The following XIRP1 variants were observed in gnomAD, a reference collection of about 807,000 sequenced individuals.
The protein encoded by XIRP1 is xin actin-binding repeat-containing protein 1.
For synonymous variants in XIRP1, 984 were observed against 947.0 expected (o/e 1.04, Z -0.72); for missense variants, 2,378 against 2,345.4 (o/e 1.01, Z -0.29).
At position 39,188,707 on chromosome 3, in the gene XIRP1, C is replaced by G. The variant is rs1349722946; in HGVS notation, c.739G>C (p.Glu247Gln). The G allele has an allele frequency of 6.2e-7, 1 of 1,613,672 alleles. No individual in the cohort carries two copies. The highest frequency in any genetic ancestry group is 1.1e-5 in the South Asian group (1 of 91,084). Residue 247 changes from glutamate to glutamine, a missense_variant, in exon 2 of 2, where the codon GAG (glutamate) becomes CAG (glutamine). Transcript: ENST00000340369. The part of the protein sequence containing the change: ...TEPLCAIQDA[E>Q]GAIHEVKAAC... Reference sequence around the variant, plus strand: ...GCCTTGACCTCATGGATGGCGCCCTCTGCATCCTGGATGGCACACAGGGGC... The same window carrying G: ...GCCTTGACCTCATGGATGGCGCCCTGTGCATCCTGGATGGCACACAGGGGC...
chr3:39,185,289 G>A lies in XIRP1; in HGVS notation c.4157C>T (p.Pro1386Leu), dbSNP rs763004515. ...ATGTCCACTGGGACATCTGGCCAGA[G>A]GTATGTGGCCCTGGTCTACAGTAGT... ...VPTTVDQGHI[P>L]LARCPSGHSQ... Residue 1386 changes from proline (P) to leucine (L), a missense_variant, in exon 2 of 2, where the codon CCT (proline) becomes CTT (leucine). Physicochemically the swap from Pro to Leu is moderately conservative, Grantham distance 98. Coordinates refer to ENST00000340369, the MANE Select transcript of XIRP1 (RefSeq NM_194293.4). 3.7e-6 allele frequency: 6 copies of A among 1,614,122 alleles called. No homozygotes were observed. Among genetic ancestry groups the A allele is most frequent in the Non-Finnish European group, 5.1e-6 (6 of 1,180,056 alleles).
At chr3:39,192,122 G>T (rs947502696) in intron 1 of XIRP1, among the ~76,000 whole-genome samples, 2 of 152,208 alleles carry the variant, frequency 1.3e-5, no homozygotes, top group African/African-American at 4.8e-5. Context: ...AGGAAGCCCT[G>T]AAGCCTGAGG....
chr3:39,185,345 A>T lies in XIRP1; in HGVS notation c.4101T>A (p.Asp1367Glu). 6.2e-7 allele frequency: 1 copy of T among 1,614,140 alleles called. No individual in the cohort carries two copies. The highest frequency in any genetic ancestry group is 8.5e-7 in the Non-Finnish European group (1 of 1,180,024). ...CCTTGGCTGGCTGAGGGATGGCTGT[A>T]TCTCTCTCACCTCGTTGGTGTTCTC... ...GQREHQRGER[D>E]TAIPQPAKVP... is the part of the protein sequence containing the mutation. The change falls in exon 2 of 2, where the codon GAT becomes GAA. Residue 1367 changes from aspartate (D) to glutamate (E), a missense_variant. Coordinates refer to ENST00000340369, the MANE Select transcript of XIRP1 (RefSeq NM_194293.4).
At position 39,185,234 on chromosome 3, in the gene XIRP1, G is replaced by A. The variant is rs145731232; in HGVS notation, c.4212C>T (p.Ser1404=). ...TCTTGGTGGGCCTGGGGGCCGTGGTGCTGAGGCCATGTTGTAAGCTGGGCT... is the reference window on the plus strand; with the variant it reads ...TCTTGGTGGGCCTGGGGGCCGTGGTACTGAGGCCATGTTGTAAGCTGGGCT... The part of the protein sequence containing the change: ...HSQPSLQHGL[S]TTAPRPTKNQ... Residue 1404 remains serine, a synonymous_variant, in exon 2 of 2, where the codon AGC becomes AGT. Coordinates refer to ENST00000340369, the MANE Select transcript of XIRP1 (RefSeq NM_194293.4). 1.9e-6 allele frequency: 3 copies of A among 1,614,182 alleles called. No homozygotes were observed. The highest frequency in any genetic ancestry group is 2.2e-5 in the South Asian group (2 of 91,084).
rs754361153 is a variant in XIRP1 at position 39,184,326 on chromosome 3, T to C, written c.5120A>G (p.Gln1707Arg). 4 of 1,614,248 alleles carry C rather than the reference T, an allele frequency of 2.5e-6. No individual in the cohort carries two copies. The highest frequency in any genetic ancestry group is 3.4e-6 in the Non-Finnish European group (4 of 1,180,046). The stretch of plus-strand genomic sequence containing the variant: ...GACACCTTTCTGGTGGAGCAGGGCC[T>C]GGCCTATGTCCTGAGCCAGTTGTGT... ...KSTQLAQDIG[Q>R]ALLHQKGVQD... is the part of the protein sequence containing the mutation. Residue 1707 changes from glutamine to arginine, a missense_variant, in exon 2 of 2, where the codon CAG becomes CGG. Physicochemically the swap from Gln to Arg is conservative, Grantham distance 43 (BLOSUM62 1). Transcript: ENST00000340369.
Position 39,187,092 on chromosome 3 carries a change from A to C in XIRP1, c.2354T>G (p.Leu785Arg). 6.2e-7 allele frequency: 1 copy of C among 1,613,736 alleles called. No individual in the cohort carries two copies. The highest frequency in any genetic ancestry group is 8.5e-7 in the Non-Finnish European group (1 of 1,179,670). The change falls in exon 2 of 2, where the codon CTG (leucine) becomes CGG (arginine). Residue 785 changes from leucine to arginine, a missense_variant. Physicochemically the swap from Leu to Arg is moderately radical, Grantham distance 102 (BLOSUM62 -2). Coordinates refer to ENST00000340369, the MANE Select transcript of XIRP1 (RefSeq NM_194293.4). ...LRTLHATPGI[L>R]HHGGILMEAR... Reference sequence around the variant, plus strand: ...CTCCATGAGGATGCCTCCATGGTGCAGGATGCCAGGTGTGGCATGCAGAGT... The same window carrying C: ...CTCCATGAGGATGCCTCCATGGTGCCGGATGCCAGGTGTGGCATGCAGAGT...
In XIRP1 at chr3:39,186,252, G is replaced by A. The variant is rs201126897; in HGVS notation, c.3194C>T (p.Ala1065Val). ...MQSLRMATAE[A>V]QSLHQQVLNK... ...CAGAACTTGCTGGTGCAGGCTCTGG[G>A]CTTCAGCTGTTGCCATCCGCAGACT... The change falls in exon 2 of 2, where the codon GCC becomes GTC. Residue 1065 changes from alanine (A) to valine (V), a missense_variant. By Grantham distance (64) the Ala-to-Val change is moderately conservative (BLOSUM62 0). Transcript: ENST00000340369. The A allele has an allele frequency of 6.2e-7, 1 of 1,613,724 alleles. No individual in the cohort carries two copies. Among genetic ancestry groups the A allele is most frequent in the African/African-American group, 1.3e-5 (1 of 74,884 alleles).
Position 39,187,753 on chromosome 3 carries a change from G to C in XIRP1, c.1693C>G (p.Arg565Gly), listed in dbSNP as rs145953755. 4.3e-5 allele frequency: 70 copies of C among 1,613,952 alleles called. No individual in the cohort carries two copies. Among genetic ancestry groups the C allele is most frequent in the Non-Finnish European group, 5.7e-5 (67 of 1,180,044 alleles). ...TCTTTCTGTCGTTCCTGCTGCTCCC[G>C]TTGGTGGATCATCTCCAGGGGCTGG... The part of the protein sequence containing the change: ...ETQPLEMIHQ[R>G]EQQERQKEEG... The change falls in exon 2 of 2, where the codon CGG becomes GGG. Residue 565 changes from arginine to glycine, a missense_variant. Transcript: ENST00000340369.
Position 39,189,043 on chromosome 3 carries a change from A to G in XIRP1, c.403T>C (p.Phe135Leu), listed in dbSNP as rs1315261323. 2.5e-6 allele frequency: 4 copies of G among 1,614,040 alleles called. No individual in the cohort carries two copies. The highest frequency in any genetic ancestry group is 1.3e-5 in the African/African-American group (1 of 74,946). Reference protein sequence around the residue: ...ATSRKFEEGSFANSTDQEPTR... With the variant: ...ATSRKFEEGSLANSTDQEPTR... The stretch of plus-strand genomic sequence containing the variant: ...GGCTCCTGGTCTGTGCTGTTGGCAA[A>G]GGAGCCTTCCTCAAACTTGCGGGAG... The change falls in exon 2 of 2, where the codon TTT becomes CTT. Residue 135 changes from phenylalanine (F) to leucine (L), a missense_variant. Phe to Leu is a conservative substitution (Grantham distance 22). Transcript: ENST00000340369.
In XIRP1 at chr3:39,187,780, T is replaced by C; in HGVS notation, c.1666A>G (p.Thr556Ala). 6.2e-7 allele frequency: 1 copy of C among 1,613,942 alleles called. No homozygotes were observed. The highest frequency in any genetic ancestry group is 2.2e-5 in the East Asian group (1 of 44,874). Residue 556 changes from threonine (T) to alanine (A), a missense_variant, in exon 2 of 2, where the codon ACC (threonine) becomes GCC (alanine). Transcript: ENST00000340369. ...DVGTARWLFE[T>A]QPLEMIHQRE... ...TGGTGGATCATCTCCAGGGGCTGGG[T>C]CTCAAAAAGCCACCGAGCTGTGCCA...
In XIRP1 at chr3:39,186,506, C is replaced by T. The variant is rs199830260; in HGVS notation, c.2940G>A (p.Met980Ile). 23 of 1,613,428 alleles carry T rather than the reference C, an allele frequency of 1.4e-5. 2 individuals carry two copies. In the South Asian group the frequency reaches 2.5e-4, roughly 18 times the overall value. ...IIHVPPLDPSMGMGHLRASGA... is the reference protein window; with the variant it reads ...IIHVPPLDPSIGMGHLRASGA... ...CTGAGGCTCTCAGATGCCCCATCCCCATGCTGGGGTCCAGTGGGGGAACAT... is the reference window on the plus strand; with the variant it reads ...CTGAGGCTCTCAGATGCCCCATCCCTATGCTGGGGTCCAGTGGGGGAACAT... The change falls in exon 2 of 2, where the codon ATG (methionine) becomes ATA (isoleucine). Residue 980 changes from methionine (M) to isoleucine (I), a missense_variant. Coordinates refer to ENST00000340369, the MANE Select transcript of XIRP1 (RefSeq NM_194293.4).
Position 39,187,619 on chromosome 3 carries a change from C to A in XIRP1, c.1827G>T (p.Lys609Asn), listed in dbSNP as rs1575181772. Reference sequence around the variant, plus strand: ...TGGGATCTGTGACCTCTGACCCCTGCTTTTCGGCCAACTCACTCATTGGGC... The same window carrying A: ...TGGGATCTGTGACCTCTGACCCCTGATTTTCGGCCAACTCACTCATTGGGC... ...ETCPMSELAE[K>N]QGSEVTDPTA... The change falls in exon 2 of 2, where the codon AAG becomes AAT. Residue 609 changes from lysine to asparagine, a missense_variant. Lys to Asn is a moderately conservative substitution (Grantham distance 94, BLOSUM62 0). Transcript: ENST00000340369. 2 of 1,614,110 alleles carry A rather than the reference C, an allele frequency of 1.2e-6. No individual in the cohort carries two copies. The highest frequency in any genetic ancestry group is 1.3e-5 in the African/African-American group (1 of 75,074).
chr3:39,189,452 G>A lies in XIRP1; in HGVS notation c.-7C>T. 1 of 1,574,524 alleles carries A rather than the reference G, an allele frequency of 6.4e-7. No individual in the cohort carries two copies. Among genetic ancestry groups the A allele is most frequent in the Non-Finnish European group, 8.6e-7 (1 of 1,160,194 alleles). On this transcript the variant is annotated 5_prime_UTR_variant, in exon 2 of 2. Transcript: ENST00000340369. ...GTGTCTGGGTGTCGGCCATCCTTCTGAGAAGAAGGGGCAGAGATGAGGATG... is the reference window on the plus strand; with the variant it reads ...GTGTCTGGGTGTCGGCCATCCTTCTAAGAAGAAGGGGCAGAGATGAGGATG...
Position 39,183,994 on chromosome 3 carries a change from G to C in XIRP1, c.5452C>G (p.Pro1818Ala), listed in dbSNP as rs1489846966. Reference sequence around the variant, plus strand: ...GTCAGGTCACTGCTGAACCCAGCTGGGCTGTGCAGGAACTGCCTCAGCAAG... The same window carrying C: ...GTCAGGTCACTGCTGAACCCAGCTGCGCTGTGCAGGAACTGCCTCAGCAAG... ...SPLLRQFLHS[P>A]AGFSSDLTEA... The change falls in exon 2 of 2, where the codon CCA becomes GCA. Residue 1818 changes from proline (P) to alanine (A), a missense_variant. By Grantham distance (27) the Pro-to-Ala change is conservative. Coordinates refer to ENST00000340369, the MANE Select transcript of XIRP1 (RefSeq NM_194293.4). 1 of 1,612,870 alleles carries C rather than the reference G, an allele frequency of 6.2e-7. No individual in the cohort carries two copies. Among genetic ancestry groups the C allele is most frequent in the Admixed American group, 1.7e-5 (1 of 60,014 alleles).
At position 39,187,531 on chromosome 3, in the gene XIRP1, C is replaced by G; in HGVS notation, c.1915G>C (p.Val639Leu). The G allele has an allele frequency of 1.2e-6, 2 of 1,614,054 alleles. No individual in the cohort carries two copies. The highest frequency in any genetic ancestry group is 1.7e-6 in the Non-Finnish European group (2 of 1,180,046). The change falls in exon 2 of 2, where the codon GTG becomes CTG. Residue 639 changes from valine (V) to leucine (L), a missense_variant. Transcript: ENST00000340369. ...MFKPQPVDRP[V>L]GSREQHLQVS... is the part of the protein sequence containing the mutation. ...TGCAGGTGCTGCTCCCTGGAGCCCACTGGCCTGTCCACAGGTTGGGGCTTG... is the reference window on the plus strand; with the variant it reads ...TGCAGGTGCTGCTCCCTGGAGCCCAGTGGCCTGTCCACAGGTTGGGGCTTG...
Position 39,184,781 on chromosome 3 carries a change from G to A in XIRP1, c.4665C>T (p.His1555=), listed in dbSNP as rs1407866451. 2 of 1,614,112 alleles carry A rather than the reference G, an allele frequency of 1.2e-6. No homozygotes were observed. Among genetic ancestry groups the A allele is most frequent in the African/African-American group, 2.7e-5 (2 of 74,932 alleles). Residue 1555 remains histidine (H), a synonymous_variant, in exon 2 of 2, where the codon CAC becomes CAT. Transcript: ENST00000340369. ...GGCTAGACATGGAGCTGAGTGCCTT[G>A]TGCACAGCCTCTTCAATGTCCAGCA... ...ARLLDIEEAV[H]KALSSMSSLQ...
intron 1 of XIRP1, among the ~76,000 whole-genome samples, chr3:39,191,422 G>A (rs1330764744): frequency 6.8e-6 from 1 of 146,468 alleles, no homozygotes; most frequent in Admixed American, 7.1e-5. Context: ...TTATCATGGA[G>A]TCCAGGGATG....
chr3:39,192,236 A>G (rs1575185634), intron 1 of XIRP1, among the ~76,000 whole-genome samples: 2 of 152,082 alleles, frequency 1.3e-5, no homozygotes, highest in Non-Finnish European at 2.9e-5. Flanking sequence ...TGTGGCAGCC[A>G]CTCTGAGAGC....
In XIRP1 at chr3:39,187,794, C is replaced by G. The variant is rs34121641; in HGVS notation, c.1652G>C (p.Arg551Pro). ...EVVAGDVGTA[R>P]WLFETQPLEM... ...CAGGGGCTGGGTCTCAAAAAGCCAC[C>G]GAGCTGTGCCAACGTCCCCAGCCAC... Residue 551 changes from arginine (R) to proline (P), a missense_variant, in exon 2 of 2, where the codon CGG becomes CCG. Arg to Pro is a moderately radical substitution (Grantham distance 103). Coordinates refer to ENST00000340369, the MANE Select transcript of XIRP1 (RefSeq NM_194293.4). The G allele has an allele frequency of 1.2e-6, 2 of 1,614,076 alleles. No homozygotes were observed. Among genetic ancestry groups the G allele is most frequent in the African/African-American group, 1.3e-5 (1 of 75,022 alleles).
Sources: gnomAD v4.1 joint callset for allele counts (sites outside exome capture counted in the v4.1 genomes callset) on GRCh38, gnomAD v4.1.1 for gene constraint, MANE v1.5 for transcripts, NCBI Gene and HGNC (gene_info 2026-07-23, HGNC 2026-07-21) for gene names.